RPH3A: variants seen among roughly 807,000 people sequenced by gnomAD.
RPH3A encodes the protein rabphilin-3A.
Under a neutral mutation model 102.2 loss-of-function variants are expected in RPH3A, and 48 were observed. That is an observed-to-expected ratio of 0.47 (90% CI 0.37 to 0.60). The LOEUF (loss-of-function observed/expected upper bound fraction) is 0.60. Ranked by LOEUF, RPH3A falls within the 20% of genes least tolerant of loss-of-function variation. The pLI, the probability that RPH3A is intolerant of heterozygous loss-of-function variation, is 0.00. For missense variants in RPH3A, 781 were observed against 910.1 expected, an observed-to-expected ratio of 0.86 and a Z score of 1.83; for synonymous variants, 310 against 324.3, an observed-to-expected ratio of 0.96 and a Z score of 0.47.
intron 1 of RPH3A, among the ~76,000 whole-genome samples, chr12:112,596,768 T>G (rs1200359464): frequency 1.3e-5 from 2 of 152,214 alleles, no homozygotes; most frequent in Admixed American, 6.5e-5. Context: ...CCCTAGATTT[T>G]TATTTGGATT....
intron 1 of RPH3A, among the ~76,000 whole-genome samples, chr12:112,729,442 T>C (rs2040617945): frequency 6.6e-6 from 1 of 152,122 alleles, no homozygotes; most frequent in Non-Finnish European, 1.5e-5. Flanking sequence ...TGCCTTGGCC[T>C]CCCAAAGTGC....
chr12:112,634,205 G>A (rs61942285), intron 1 of RPH3A, among the ~76,000 whole-genome samples: 74,547 of 95,708 alleles, frequency 0.78, 29,139 homozygotes, highest in African/African-American at 0.88. Flanking sequence ...AAAATTAGCC[G>A]GGCGTAGTGG....
At chr12:112,871,872 A>G (rs1205303523) in intron 10 of RPH3A, among the ~76,000 whole-genome samples, 2 of 150,356 alleles carry the variant, frequency 1.3e-5, no homozygotes, top group Non-Finnish European at 3.0e-5. Context: ...ATATGTATAT[A>G]CATGTATATA....
At chr12:112,646,924 C>T (rs545217145) in intron 1 of RPH3A, among the ~76,000 whole-genome samples, 13 of 152,252 alleles carry the variant, frequency 8.5e-5, no homozygotes, top group Admixed American at 2.6e-4. Context: ...TGCATGGTCT[C>T]TTTTGCTAAC....
chr12:112,712,468 A>G (rs1335468653), intron 1 of RPH3A, among the ~76,000 whole-genome samples: 1 of 152,182 alleles, frequency 6.6e-6, no homozygotes, highest in Non-Finnish European at 1.5e-5. Flanking sequence ...GTTATTTTAA[A>G]TATACAAAAT....
At chr12:112,667,051 ACT>A (rs988636927) in intron 1 of RPH3A, among the ~76,000 whole-genome samples, 1 of 151,874 alleles carries the variant, frequency 6.6e-6, no homozygotes, top group Admixed American at 6.6e-5. Flanking sequence ...ATCTCAAGCC[ACT>A]CTCTGGTTCT....
At chr12:112,834,495 G>A (rs543336460) in intron 3 of RPH3A, among the ~76,000 whole-genome samples, 1 of 152,168 alleles carries the variant, frequency 6.6e-6, no homozygotes, top group Admixed American at 6.5e-5. Flanking sequence ...GGTGGATGCC[G>A]GTTTAACTTT....
At chr12:112,877,461 A>ACACACACAC (rs1176054466) in intron 13 of RPH3A, among the ~76,000 whole-genome samples, 4 of 129,340 alleles carry the variant, frequency 3.1e-5, no homozygotes, top group African/African-American at 1.4e-4. Context: ...CACACACACC[A>ACACACACAC]GTGGCATTTC....
intron 1 of RPH3A, among the ~76,000 whole-genome samples, chr12:112,697,838 C>A (rs2040363237): frequency 6.6e-6 from 1 of 151,716 alleles, no homozygotes; most frequent in Non-Finnish European, 1.5e-5. Context: ...GCACTGCAGC[C>A]TGGGTGAGAA....
At chr12:112,708,758 G>A (rs2040441477) in intron 1 of RPH3A, among the ~76,000 whole-genome samples, 1 of 152,082 alleles carries the variant, frequency 6.6e-6, no homozygotes, top group Admixed American at 6.6e-5. Context: ...CCAGGGGATC[G>A]GAGCCTCCTG....
At chr12:112,863,641 C>T (rs570522281) in intron 5 of RPH3A, among the ~76,000 whole-genome samples, 12 of 152,306 alleles carry the variant, frequency 7.9e-5, no homozygotes, top group African/African-American at 2.9e-4. Flanking sequence ...TTTGGCTCTG[C>T]CACTTCCTAG....
intron 1 of RPH3A, among the ~76,000 whole-genome samples, chr12:112,714,053 GTTGGTACA>G (rs2040498274): frequency 6.6e-6 from 1 of 152,144 alleles, no homozygotes; most frequent in Non-Finnish European, 1.5e-5. Flanking sequence ...CCTATAGGTG[GTTGGTACA>G]TGAAGTGTGT....
intron 1 of RPH3A, among the ~76,000 whole-genome samples, chr12:112,627,431 T>C (rs2039774876): frequency 6.7e-6 from 1 of 149,924 alleles, no homozygotes; most frequent in South Asian, 2.1e-4. Flanking sequence ...TATGTAACAA[T>C]TGCAATATCA....
At chr12:112,697,360 A>G (rs1244995125) in intron 1 of RPH3A, among the ~76,000 whole-genome samples, 1 of 152,164 alleles carries the variant, frequency 6.6e-6, no homozygotes, top group Non-Finnish European at 1.5e-5. Flanking sequence ...TTAAAACAAC[A>G]CTATTTATGA....
chr12:112,707,301 C>G (rs948043517), intron 1 of RPH3A, among the ~76,000 whole-genome samples: 1 of 152,216 alleles, frequency 6.6e-6, no homozygotes, highest in Non-Finnish European at 1.5e-5. Context: ...GTCCCTTCTC[C>G]TCCTCGACCA....
At chr12:112,633,473 T>G (rs754551766) in intron 1 of RPH3A, among the ~76,000 whole-genome samples, 14 of 152,070 alleles carry the variant, frequency 9.2e-5, no homozygotes, top group Admixed American at 3.3e-4. Flanking sequence ...ATCAAGGGAC[T>G]GGGACTGGTG....
At chr12:112,597,916 A>T (rs1161823056) in intron 1 of RPH3A, among the ~76,000 whole-genome samples, 1 of 152,218 alleles carries the variant, frequency 6.6e-6, no homozygotes, top group African/African-American at 2.4e-5. Flanking sequence ...GCATCAGGCA[A>T]ATCCCTAGAA....
intron 1 of RPH3A, among the ~76,000 whole-genome samples, chr12:112,747,156 C>A (rs749699082): frequency 2.4e-4 from 36 of 152,202 alleles, no homozygotes; most frequent in Non-Finnish European, 5.0e-4. Context: ...ACCTACCATA[C>A]CACTCCCCAC....
chr12:112,870,917 C>T (rs546819946), intron 10 of RPH3A, among the ~76,000 whole-genome samples: 5 of 152,162 alleles, frequency 3.3e-5, no homozygotes, highest in Non-Finnish European at 7.3e-5. Flanking sequence ...TGCCAAATGC[C>T]GTCTCAAGTT....
Sources: allele counts gnomAD v4.1 joint callset (sites outside exome capture counted in the v4.1 genomes callset), GRCh38; gene constraint gnomAD v4.1.1; transcripts MANE v1.5; gene names NCBI Gene and HGNC (gene_info 2026-07-23, HGNC 2026-07-21).